Variants in ADGRF4 observed in about 807,000 individuals in gnomAD.
ADGRF4 encodes the protein G-protein coupled receptor PGR18.
In ADGRF4, 63 loss-of-function variants were observed where a neutral mutation model predicts 58.5. The ratio of observed to expected loss-of-function variants is 1.08; its 90% CI spans 0.88 to 1.33. The LOEUF is 1.33. ADGRF4 is among the 40% of genes most tolerant of loss of function. The pLI is 0.00. For synonymous variants in ADGRF4, 313 were observed against 295.4 expected, an observed-to-expected ratio of 1.06 and a Z score of -0.61; for missense variants, 931 against 843.9, an observed-to-expected ratio of 1.10 and a Z score of -1.28.
intron 6 of ADGRF4, among the ~76,000 whole-genome samples, chr6:47,716,400 G>A (rs1772019950): frequency 6.6e-6 from 1 of 152,070 alleles, no homozygotes; most frequent in African/African-American, 2.4e-5. Flanking sequence ...ACTCAAAGTA[G>A]ACTAGAATAT....
At chr6:47,713,209 A>G (rs1284951004) in intron 5 of ADGRF4, among the ~76,000 whole-genome samples, 2 of 152,178 alleles carry the variant, frequency 1.3e-5, no homozygotes, top group Non-Finnish European at 2.9e-5. Context: ...ATTGTCTTTC[A>G]TGAAGCTAGT....
At chr6:47,703,722 T>G (rs961109565) in intron 1 of ADGRF4, among the ~76,000 whole-genome samples, 5 of 152,344 alleles carry the variant, frequency 3.3e-5, no homozygotes, top group Middle Eastern at 3.4e-3. Context: ...CGCTTATGAT[T>G]TCATATTACA....
chr6:47,701,995 C>A (rs759298534), intron 1 of ADGRF4, among the ~76,000 whole-genome samples: 2 of 152,124 alleles, frequency 1.3e-5, no homozygotes, highest in South Asian at 2.1e-4. Flanking sequence ...TGCACCACCA[C>A]GCCTGGCTCA....
intron 3 of ADGRF4, among the ~76,000 whole-genome samples, chr6:47,709,861 T>A (rs1364282796): frequency 1.3e-5 from 2 of 150,970 alleles, no homozygotes; most frequent in African/African-American, 4.9e-5. Context: ...TTTTTTTTTG[T>A]ATTTTTGTGC....
chr6:47,718,335 C>T (rs749176812), intron 8 of ADGRF4, 54 bp from the exon 9 acceptor site: 7 of 921,678 alleles, frequency 7.6e-6, no homozygotes, highest in East Asian at 7.2e-5. Flanking sequence ...GAGGGATATA[C>T]ATTTTGTCAA....
chr6:47,699,557 C>T (rs1368861806), intron 1 of ADGRF4, among the ~76,000 whole-genome samples: 2 of 152,172 alleles, frequency 1.3e-5, no homozygotes, highest in South Asian at 2.1e-4. Flanking sequence ...TTCTTGAAAC[C>T]TATCAGAATC....
intron 3 of ADGRF4, among the ~76,000 whole-genome samples, chr6:47,709,913 T>C (rs1487662319): frequency 1.3e-5 from 2 of 151,678 alleles, no homozygotes; most frequent in Non-Finnish European, 1.5e-5. Context: ...CCACCAAACA[T>C]AGTGCTGAAG....
chr6:47,700,719 C>A (rs1771571095), intron 1 of ADGRF4, among the ~76,000 whole-genome samples: 2 of 152,156 alleles, frequency 1.3e-5, no homozygotes, highest in Admixed American at 1.3e-4. Context: ...ACTTAAGTCA[C>A]CAGGTTCCAA....
At chr6:47,707,788 AT>A (rs1395046253) in intron 2 of ADGRF4, among the ~76,000 whole-genome samples, 1 of 152,152 alleles carries the variant, frequency 6.6e-6, no homozygotes, top group Non-Finnish European at 1.5e-5. Context: ...CTACCTAGTG[AT>A]TATTCCTAGT....
chr6:47,699,249 G>A (rs1185670481), intron 1 of ADGRF4, among the ~76,000 whole-genome samples: 1 of 152,200 alleles, frequency 6.6e-6, no homozygotes, highest in Non-Finnish European at 1.5e-5. Flanking sequence ...TGCCAAACAC[G>A]TTTTTGCAAA....
At chr6:47,703,691 A>G (rs1435134151) in intron 1 of ADGRF4, among the ~76,000 whole-genome samples, 1 of 152,198 alleles carries the variant, frequency 6.6e-6, no homozygotes, top group Non-Finnish European at 1.5e-5. Flanking sequence ...GCTTAGTTCA[A>G]ATTCATGTAT....
At chr6:47,708,563 C>G (rs888075408) in intron 3 of ADGRF4, among the ~76,000 whole-genome samples, 1 of 152,150 alleles carries the variant, frequency 6.6e-6, no homozygotes, top group Admixed American at 6.5e-5. Flanking sequence ...AATGAGTTAA[C>G]AGGAGGCAGA....
At chr6:47,719,511 G>T (rs934508181) in intron 9 of ADGRF4, among the ~76,000 whole-genome samples, 2 of 152,086 alleles carry the variant, frequency 1.3e-5, no homozygotes, top group Non-Finnish European at 2.9e-5. Context: ...ATGAAACATC[G>T]CTATAACGTT....
intron 3 of ADGRF4, 28 bp downstream of exon 3, chr6:47,708,306 C>T (rs377489030): frequency 1.9e-6 from 3 of 1,539,204 alleles, no homozygotes; most frequent in Non-Finnish European, 1.8e-6. Context: ...AGTCTTCATC[C>T]ATTTGAAGAC....
At chr6:47,710,990 C>T in intron 4 of ADGRF4, 104 bp downstream of exon 4, 2 of 1,092,898 alleles carry the variant, frequency 1.8e-6, no homozygotes, top group Non-Finnish European at 2.6e-6. Flanking sequence ...CTCAGATCCG[C>T]ACTTAGAAAA....
At chr6:47,708,937 T>C (rs1386909690) in intron 3 of ADGRF4, among the ~76,000 whole-genome samples, 1 of 152,262 alleles carries the variant, frequency 6.6e-6, no homozygotes, top group Non-Finnish European at 1.5e-5. Context: ...CATAAAATGC[T>C]GTCTCATTCC....
intron 3 of ADGRF4, among the ~76,000 whole-genome samples, 193 bp downstream of exon 3, chr6:47,708,471 G>A (rs1771779235): frequency 1.3e-5 from 2 of 152,136 alleles, no homozygotes; most frequent in African/African-American, 4.8e-5. Context: ...GTCAATGAAG[G>A]GAGTTAGCAA....
intron 1 of ADGRF4, among the ~76,000 whole-genome samples, chr6:47,702,191 T>C (rs767273980): frequency 2.6e-5 from 4 of 152,214 alleles, no homozygotes; most frequent in Non-Finnish European, 5.9e-5. Flanking sequence ...AACAGTTTTC[T>C]TACTACAAGA....
chr6:47,715,999 T>TTAA (rs1329305305), intron 6 of ADGRF4, among the ~76,000 whole-genome samples: 1 of 150,440 alleles, frequency 6.6e-6, no homozygotes, highest in African/African-American at 2.4e-5. Context: ...TTTTTTTTTT[T>TTAA]ATCAAAGACT....
Sources: gnomAD v4.1 joint callset for allele counts (sites outside exome capture counted in the v4.1 genomes callset) on GRCh38, gnomAD v4.1.1 for gene constraint, MANE v1.5 for transcripts, NCBI Gene and HGNC (gene_info 2026-07-23, HGNC 2026-07-21) for gene names.